The following PRDM4 variants were observed in gnomAD, a reference collection of about 807,000 sequenced individuals.
The protein encoded by PRDM4 is PR/SET domain 4.
PRDM4 carries 38 observed loss-of-function variants against 62.3 expected under a neutral mutation model. The ratio of observed to expected loss-of-function variants is 0.61; its 90% confidence interval spans 0.47 to 0.80. PRDM4 has a LOEUF of 0.80. PRDM4 is among the 30% of genes least tolerant of loss of function. The pLI, the probability that PRDM4 is intolerant of heterozygous loss-of-function variation, is 0.00. For synonymous variants in PRDM4, 339 were observed against 348.2 expected (o/e 0.97, Z 0.30); for missense variants, 858 against 997.1 (o/e 0.86, Z 1.88).
At chr12:107,744,785 C>T (rs1409864233) in intron 6 of PRDM4, 124 bp from the exon 7 acceptor site, 14 of 1,343,306 alleles carry the variant, frequency 1.0e-5, no homozygotes, top group Middle Eastern at 2.2e-4. Flanking sequence ...GTAGGCTGGG[C>T]GTGGTGGCTC....
At chr12:107,750,111 C>T (rs545819077) in intron 5 of PRDM4, among the ~76,000 whole-genome samples, 158 of 152,294 alleles carry the variant, frequency 1.0e-3, no homozygotes, top group African/African-American at 3.7e-3. Context: ...CACTTCACCC[C>T]ATCGTCACAC....
At chr12:107,742,449 A>G in intron 8 of PRDM4, 101 bp from the exon 9 acceptor site, 1 of 1,272,728 alleles carries the variant, frequency 7.9e-7, no homozygotes, top group South Asian at 1.3e-5. Context: ...CTTAGGCAGA[A>G]CTATTTACTA....
Position 107,751,524 on chromosome 12 carries a change from C to T in PRDM4, c.1017G>A (p.Gly339=), listed in dbSNP as rs1234533257. 3 of 1,612,760 alleles carry T rather than the reference C, an allele frequency of 1.9e-6. No homozygotes were observed. The South Asian group carries it at 3.3e-5, about 18-fold the overall frequency. ...VSSITQEVAM[G]TGHVDVSSDS... is the part of the protein sequence containing the mutation. The stretch of plus-strand genomic sequence containing the variant: ...CTGAAGATACATCTACATGACCTGT[C>T]CCCATAGCAACCTCCTGGGTGATGG... Residue 339 remains glycine, a synonymous_variant, in exon 5 of 12, where the codon GGG becomes GGA. Coordinates refer to ENST00000228437, the MANE Select transcript of PRDM4 (RefSeq NM_012406.4).
intron 5 of PRDM4, among the ~76,000 whole-genome samples, chr12:107,750,534 C>G (rs1274503324): frequency 6.6e-6 from 1 of 152,050 alleles, no homozygotes; most frequent in Non-Finnish European, 1.5e-5. Flanking sequence ...ACAGAGAAAC[C>G]CTATCAATAA....
Position 107,753,904 on chromosome 12 carries a change from C to G in PRDM4, c.331+20G>C. 6.3e-7 allele frequency: 1 copy of G among 1,590,952 alleles called. No homozygotes were observed. Among genetic ancestry groups the G allele is most frequent in the Non-Finnish European group, 8.5e-7 (1 of 1,169,694 alleles). ...GCGCCGTTCTTTTTCTCTAACATCT[C>G]AAGTAACTGTAACACTTACCAGGTA... On this transcript the variant is annotated intron_variant, in intron 4 of 11. Transcript: ENST00000228437.
chr12:107,739,038 T>TA, intron 11 of PRDM4: 1 of 191,218 alleles, frequency 5.2e-6, no homozygotes, highest in African/African-American at 2.3e-5. Context: ...TGCTGACTCT[T>TA]ACTCTTCTCA....
In PRDM4 at chr12:107,751,777, A is replaced by G; in HGVS notation, c.764T>C (p.Ile255Thr). Residue 255 changes from isoleucine to threonine, a missense_variant, in exon 5 of 12, where the codon ATA becomes ACA. Transcript: ENST00000228437. ...AADAVGHGGV[I>T]PMHGNGLELP... ...CTCCAGGCCATTCCCATGCATGGGT[A>G]TCACACCACCATGTCCTACAGCGTC... The G allele has an allele frequency of 1.9e-6, 3 of 1,614,208 alleles. No homozygotes were observed. Among genetic ancestry groups the G allele is most frequent in the Non-Finnish European group, 2.5e-6 (3 of 1,180,024 alleles).
At chr12:107,739,117 T>C (rs2136310275) in intron 11 of PRDM4, 1 of 354,806 alleles carries the variant, frequency 2.8e-6, no homozygotes, top group East Asian at 5.3e-5. Context: ...ATAGTCCTTT[T>C]TGTCTCTAGG....
intron 5 of PRDM4, among the ~76,000 whole-genome samples, chr12:107,747,592 ATTG>A (rs1890749866): frequency 6.6e-6 from 1 of 152,088 alleles, no homozygotes; most frequent in South Asian, 2.1e-4. Context: ...CCCTTTATAT[ATTG>A]TTCTCTATTC....
At chr12:107,757,177 A>G (rs1413901721) in intron 2 of PRDM4, among the ~76,000 whole-genome samples, 5 of 152,224 alleles carry the variant, frequency 3.3e-5, no homozygotes. Context: ...ACTCAATTCA[A>G]TGTCACATAG....
chr12:107,741,934 A>G (rs1324103139), intron 9 of PRDM4, among the ~76,000 whole-genome samples: 1 of 152,218 alleles, frequency 6.6e-6, no homozygotes, highest in South Asian at 2.1e-4. Context: ...TCATGAATTT[A>G]TATCTCAATG....
At chr12:107,751,305 G>T (rs1050438649) in intron 5 of PRDM4, 110 bp downstream of exon 5, 55 of 1,124,372 alleles carry the variant, frequency 4.9e-5, no homozygotes, top group Non-Finnish European at 6.8e-5. Flanking sequence ...AAGTTCCAAG[G>T]TCTAGTTGCT....
Position 107,754,096 on chromosome 12 carries a change from T to C in PRDM4, c.159A>G (p.Ala53=), listed in dbSNP as rs778119045. 1.9e-6 allele frequency: 3 copies of C among 1,596,738 alleles called. No individual in the cohort carries two copies. The Admixed American group carries it at 5.4e-5, about 29-fold the overall frequency. Residue 53 remains alanine (A), a synonymous_variant, in exon 4 of 12, where the codon GCA becomes GCG. Transcript: ENST00000228437. ...SAIPAPGLPV[A]IPNLGPSLSS... is the part of the protein sequence containing the mutation. ...TCAGGGAGGGACCCAGGTTTGGAATTGCCACTGGGAGGCCTACAAAACAAA... is the reference window on the plus strand; with the variant it reads ...TCAGGGAGGGACCCAGGTTTGGAATCGCCACTGGGAGGCCTACAAAACAAA...
intron 9 of PRDM4, 23 bp downstream of exon 9, chr12:107,742,198 A>C: frequency 6.2e-7 from 1 of 1,604,138 alleles, no homozygotes; most frequent in Non-Finnish European, 8.5e-7. Context: ...AGCCAGATTC[A>C]TTATAAACAC....
intron 11 of PRDM4, chr12:107,738,483 AGT>A (rs1764574113): frequency 2.0e-5 from 3 of 152,372 alleles, no homozygotes; most frequent in Non-Finnish European, 4.4e-5. Context: ...TAACGTTTTC[AGT>A]GAAGGTAAGA....
Position 107,746,424 on chromosome 12 carries a change from C to A in PRDM4, c.1127G>T (p.Trp376Leu). ...ATAGGCGCGGTCACACAGAGTACAC[C>A]CTGTAGATGGCAAATTTGAGCAATA... is the stretch of plus-strand genomic sequence containing the variant. ...KENMATLFTI[W>L]CTLCDRAYPS... Residue 376 changes from tryptophan (W) to leucine (L), a missense_variant and splice_region_variant, in exon 6 of 12, where the codon TGG (tryptophan) becomes TTG (leucine). By Grantham distance (61) the Trp-to-Leu change is moderately conservative. Coordinates refer to ENST00000228437, the MANE Select transcript of PRDM4 (RefSeq NM_012406.4). 1.3e-6 allele frequency: 2 copies of A among 1,575,872 alleles called. No individual in the cohort carries two copies. Among genetic ancestry groups the A allele is most frequent in the Non-Finnish European group, 8.6e-7 (1 of 1,164,442 alleles).
chr12:107,757,483 C>G (rs1891099191), intron 2 of PRDM4, among the ~76,000 whole-genome samples: 1 of 152,138 alleles, frequency 6.6e-6, no homozygotes, highest in African/African-American at 2.4e-5. Context: ...CAACAGTTTA[C>G]TAAGATTCTG....
In PRDM4 at chr12:107,733,247, GCACATGCATT is replaced by G. The variant is rs1457257205; in HGVS notation, c.*953_*962del. Reference sequence around the variant, plus strand: ...GAGACAACTGGGAAGACCTAACTTTGCACATGCATTAAATAATGTTATTTTGAGTTGGCAA... The same window carrying G: ...GAGACAACTGGGAAGACCTAACTTTGAAATAATGTTATTTTGAGTTGGCAA... On this transcript the variant is annotated 3_prime_UTR_variant, in exon 12 of 12. Coordinates refer to ENST00000228437, the MANE Select transcript of PRDM4 (RefSeq NM_012406.4). The G allele has an allele frequency of 1.3e-5, 2 of 152,156 alleles. No individual in the cohort carries two copies. The highest frequency in any genetic ancestry group is 1.5e-5 in the Non-Finnish European group (1 of 68,040). 9.4% of individuals were successfully genotyped at this position (152,156 alleles called of 1,614,324 possible).
chr12:107,756,993 T>A (rs199745961), intron 2 of PRDM4, 28 bp from the exon 3 acceptor site: 3 of 1,610,658 alleles, frequency 1.9e-6, no homozygotes, highest in Non-Finnish European at 2.5e-6. Flanking sequence ...CAACTAGTTA[T>A]GCAAAAATTT....
Sources: gnomAD v4.1 joint callset for allele counts (sites outside exome capture counted in the v4.1 genomes callset) on GRCh38, gnomAD v4.1.1 for gene constraint, MANE v1.5 for transcripts, NCBI Gene and HGNC (gene_info 2026-07-23, HGNC 2026-07-21) for gene names.